FAM111B: variants seen among roughly 807,000 people sequenced by gnomAD.
The protein encoded by FAM111B is serine protease FAM111B.
A neutral mutation model predicts 2.8 loss-of-function variants in FAM111B; 1 was observed. The observed-to-expected ratio is 0.36, with a 90% CI of 0.13 to 1.70. The LOEUF (loss-of-function observed/expected upper bound fraction) is 1.70. Among genes scored for constraint, FAM111B ranks in the 40% most tolerant of loss-of-function variants. The pLI, the probability that FAM111B is intolerant of heterozygous loss-of-function variation, is 0.35. For synonymous variants in FAM111B, 297 were observed against 295.6 expected (o/e 1.00, Z -0.05); for missense variants, 882 against 878.9 (o/e 1.00, Z -0.04).
At chr11:59,124,062 G>C in intron 3 of FAM111B, 117 bp from the exon 4 acceptor site, 1 of 587,164 alleles carries the variant, frequency 1.7e-6, no homozygotes, top group African/African-American at 1.9e-5. Context: ...TCCATTATTC[G>C]TTAACCATTA....
At chr11:59,112,768 T>C (rs1285259375) in intron 3 of FAM111B, among the ~76,000 whole-genome samples, 1 of 152,358 alleles carries the variant, frequency 6.6e-6, no homozygotes, top group Non-Finnish European at 1.5e-5. Context: ...CATCTTTTCA[T>C]GTGTTTATAT....
chr11:59,108,671 G>C lies in FAM111B; in HGVS notation c.-128G>C, dbSNP rs1859706071. 1 of 152,732 alleles carries C rather than the reference G, an allele frequency of 6.5e-6. No individual in the cohort carries two copies. Among genetic ancestry groups the C allele is most frequent in the South Asian group, 2.0e-4 (1 of 4,880 alleles). 9.5% of individuals were successfully genotyped at this position (152,732 alleles called of 1,614,324 possible). ...TTTTGTTTTGTTTTCATACTAGGGG[G>C]AAATCCAGTCCCTGTTACTCCATTT... On this transcript the variant is annotated 5_prime_UTR_variant, in exon 2 of 4. Transcript: ENST00000343597.
intron 3 of FAM111B, among the ~76,000 whole-genome samples, chr11:59,116,926 G>A (rs1859848661): frequency 6.6e-6 from 1 of 152,210 alleles, no homozygotes; most frequent in Non-Finnish European, 1.5e-5. Context: ...AAGCCCTTCT[G>A]GACCTGGGCA....
Position 59,126,414 on chromosome 11 carries a change from T to G in FAM111B, c.*112T>G, listed in dbSNP as rs1371810460. ...GTGAAAATTGGCAAATGAGACCTAA[T>G]TAAATCTTCTGCACAGCAAAAGAAA... On this transcript the variant is annotated 3_prime_UTR_variant, in exon 4 of 4. Transcript: ENST00000343597. 4 of 806,644 alleles carry G rather than the reference T, an allele frequency of 5.0e-6. No individual in the cohort carries two copies. The highest frequency in any genetic ancestry group is 2.2e-5 in the South Asian group (1 of 45,790). 50.0% of individuals were successfully genotyped at this position (806,644 alleles called of 1,614,324 possible). A position where few individuals can be genotyped will look rare whatever the true frequency, so the allele number is the denominator to read the frequency against.
At chr11:59,122,138 T>C (rs1206907616) in intron 3 of FAM111B, among the ~76,000 whole-genome samples, 1 of 151,996 alleles carries the variant, frequency 6.6e-6, no homozygotes, top group Non-Finnish European at 1.5e-5. Context: ...CGAGACTCCG[T>C]CTCAAAAAAA....
rs1230367536 is a variant in FAM111B, at chr11:59,124,184, T to A, written c.87T>A (p.Thr29=). ...QRTRPEVSKD[T]VMKQTHADTP... is the part of the protein sequence containing the mutation. The stretch of plus-strand genomic sequence containing the variant: ...TTTAATCTTTCCTTTTTAAGGATAC[T>A]GTCATGAAGCAGACACATGCTGACA... Residue 29 remains threonine (T), a synonymous_variant, in exon 4 of 4, where the codon ACT becomes ACA. Coordinates refer to ENST00000343597, the MANE Select transcript of FAM111B (RefSeq NM_198947.4). 5.0e-6 allele frequency: 8 copies of A among 1,596,780 alleles called. No individual in the cohort carries two copies. In the South Asian group the frequency reaches 9.1e-5, roughly 18 times the overall value.
In FAM111B at chr11:59,124,799, CAT is replaced by C. The variant is rs769694630; in HGVS notation, c.704_705del (p.Ile235ArgfsTer2). 3 of 1,613,432 alleles carry C rather than the reference CAT, an allele frequency of 1.9e-6. No individual in the cohort carries two copies. In the Admixed American group the frequency reaches 5.0e-5, roughly 27 times the overall value. On this transcript the variant is annotated frameshift_variant, in exon 4 of 4. Coordinates refer to ENST00000343597, the MANE Select transcript of FAM111B (RefSeq NM_198947.4). LOFTEE classifies it low-confidence loss of function (END_TRUNC). ...GCAAGGATGGCCGTTTTCGGTCTGA[CAT>C]AGGTGAATTTGAATGGAAACTAAAG... ...LCKDGRFRSDIGEFEWKLKEG... is the reference protein window; with the variant it reads ...LCKDGRFRSDXGEFEWKLKEG...
intron 3 of FAM111B, among the ~76,000 whole-genome samples, chr11:59,121,911 G>C (rs957775645): frequency 1.3e-5 from 2 of 152,274 alleles, no homozygotes; most frequent in African/African-American, 4.8e-5. Flanking sequence ...TTGGGAGGCC[G>C]AGGCAGGTGG....
chr11:59,120,755 C>G (rs1403653636), intron 3 of FAM111B, among the ~76,000 whole-genome samples: 1 of 152,192 alleles, frequency 6.6e-6, no homozygotes, highest in Non-Finnish European at 1.5e-5. Flanking sequence ...GCCCATCCTA[C>G]TGCAGTGTGA....
chr11:59,120,594 G>A (rs755047208), intron 3 of FAM111B, among the ~76,000 whole-genome samples: 2 of 152,162 alleles, frequency 1.3e-5, no homozygotes, highest in Non-Finnish European at 2.9e-5. Flanking sequence ...TGACCTGTTA[G>A]GGCTGTGAGG....
At chr11:59,107,566 C>A (rs1337952103) in intron 1 of FAM111B, among the ~76,000 whole-genome samples, 1 of 152,142 alleles carries the variant, frequency 6.6e-6, no homozygotes, top group East Asian at 1.9e-4. Context: ...GTGCCGTTCG[C>A]GCCCATAGAA....
intron 3 of FAM111B, among the ~76,000 whole-genome samples, chr11:59,117,129 T>G (rs955735258): frequency 6.6e-5 from 10 of 152,234 alleles, no homozygotes; most frequent in African/African-American, 2.4e-4. Context: ...GCCTGCCCTC[T>G]GAATGAGCCA....
At chr11:59,112,266 A>G (rs1261654461) in intron 3 of FAM111B, among the ~76,000 whole-genome samples, 1 of 152,184 alleles carries the variant, frequency 6.6e-6, no homozygotes, top group East Asian at 1.9e-4. Flanking sequence ...ACTGAATCAT[A>G]CCCTTTGAGT....
At chr11:59,118,416 T>C (rs1859871915) in intron 3 of FAM111B, among the ~76,000 whole-genome samples, 1 of 152,184 alleles carries the variant, frequency 6.6e-6, no homozygotes, top group Non-Finnish European at 1.5e-5. Flanking sequence ...GGCAGCCAGG[T>C]CTTGTTTAAT....
chr11:59,126,345 G>A lies in FAM111B; in HGVS notation c.*43G>A. ...CAAGAAAATATGCCAATAATTCCTGGCAAAGATTTCATGACAAAGACACTT... is the reference window on the plus strand; with the variant it reads ...CAAGAAAATATGCCAATAATTCCTGACAAAGATTTCATGACAAAGACACTT... On this transcript the variant is annotated 3_prime_UTR_variant, in exon 4 of 4. Transcript: ENST00000343597. The A allele has an allele frequency of 1.4e-6, 2 of 1,441,000 alleles. No homozygotes were observed. Among genetic ancestry groups the A allele is most frequent in the East Asian group, 2.3e-5 (1 of 42,720 alleles). 89.3% of individuals were successfully genotyped at this position (1,441,000 alleles called of 1,614,324 possible).
In FAM111B at chr11:59,109,697, A is replaced by C. The variant is rs754094963; in HGVS notation, c.72A>C (p.Glu24Asp). 2 of 1,609,922 alleles carry C rather than the reference A, an allele frequency of 1.2e-6. No individual in the cohort carries two copies. The highest frequency in any genetic ancestry group is 1.7e-6 in the Non-Finnish European group (2 of 1,177,238). Residue 24 changes from glutamate to aspartate, a missense_variant, in exon 3 of 4, where the codon GAA (glutamate) becomes GAC (aspartate). Coordinates refer to ENST00000343597, the MANE Select transcript of FAM111B (RefSeq NM_198947.4). Reference sequence around the variant, plus strand: ...AAGATGACCAGAGGACTAGACCTGAAGTTTCAAAGGTATATCTACTTTTTT... The same window carrying C: ...AAGATGACCAGAGGACTAGACCTGACGTTTCAAAGGTATATCTACTTTTTT... ...AMEDDQRTRP[E>D]VSKDTVMKQT...
chr11:59,107,742 C>T (rs929567842), intron 1 of FAM111B, among the ~76,000 whole-genome samples: 16 of 152,134 alleles, frequency 1.1e-4, no homozygotes, highest in African/African-American at 3.4e-4. Context: ...CGGGGCTTTC[C>T]AGAAACAGCT....
At chr11:59,113,237 G>A (rs1859787189) in intron 3 of FAM111B, among the ~76,000 whole-genome samples, 2 of 152,092 alleles carry the variant, frequency 1.3e-5, no homozygotes, top group South Asian at 4.1e-4. Flanking sequence ...ACACAATTGT[G>A]GATGATTAGC....
chr11:59,109,901 T>C (rs1288284108), intron 3 of FAM111B, 195 bp downstream of exon 3: 1 of 368,464 alleles, frequency 2.7e-6, no homozygotes, highest in African/African-American at 2.1e-5. Context: ...GCTAAACGTA[T>C]GTTAAGACAA....
Sources: gnomAD v4.1 joint callset for allele counts (sites outside exome capture counted in the v4.1 genomes callset) on GRCh38, gnomAD v4.1.1 for gene constraint, MANE v1.5 for transcripts, NCBI Gene and HGNC (gene_info 2026-07-23, HGNC 2026-07-21) for gene names.